CROCC2: variants seen among roughly 807,000 people sequenced by gnomAD.
CROCC2 encodes ciliary rootlet coiled-coil protein 2.
A neutral mutation model predicts 177.6 loss-of-function variants in CROCC2; 163 were observed. The ratio of observed to expected loss-of-function variants is 0.92; its 90% CI spans 0.81 to 1.05. The LOEUF is 1.05. Among genes scored for constraint, CROCC2 ranks in the 50% least tolerant of loss-of-function variants. CROCC2 has a pLI of 0.00. For missense variants in CROCC2, 1,929 were observed against 1,797.8 expected (o/e 1.07, Z -1.32); for synonymous variants, 904 against 787.3 (o/e 1.15, Z -2.48).
chr2:240,967,536 CTG>C, intron 26 of CROCC2, 71 bp downstream of exon 26: 2 of 1,534,278 alleles, frequency 1.3e-6, no homozygotes, highest in Non-Finnish European at 1.8e-6. Flanking sequence ...GTCCCCACTG[CTG>C]CCGGCTATAA....
At position 240,948,256 on chromosome 2, in the gene CROCC2, C is replaced by T. The variant is rs371846911; in HGVS notation, c.2364-723C>T. Reference sequence around the variant, plus strand: ...CCTGAGCCCAGAGGACTTCCCTCTGCGAGCCCTGGCGAGCCCCAGAAGGCT... The same window carrying T: ...CCTGAGCCCAGAGGACTTCCCTCTGTGAGCCCTGGCGAGCCCCAGAAGGCT... On this transcript the variant is annotated intron_variant, in intron 15 of 31. Coordinates refer to ENST00000690015, the MANE Select transcript of CROCC2 (RefSeq NM_001351305.2). Among the ~76,000 whole-genome samples, 22 of 152,150 alleles carry T rather than the reference C, an allele frequency of 1.4e-4. No homozygotes were observed. The East Asian group carries it at 3.7e-3, about 26-fold the overall frequency.
At chr2:240,933,521 C>G (rs1051129753) in intron 10 of CROCC2, 149 bp from the exon 11 acceptor site, 5 of 1,115,174 alleles carry the variant, frequency 4.5e-6, no homozygotes, top group Admixed American at 2.7e-5. Context: ...GGGACACACC[C>G]GCCAGTGAGA....
At position 240,946,251 on chromosome 2, in the gene CROCC2, C is replaced by T. The variant is rs1429790256; in HGVS notation, c.2361C>T (p.Leu787=). ...GRLAAEEAAD[L]RVERDSLESS... ...TCGCAGCTGAAGAGGCAGCTGATCTCAGGTATGCAAGGGCCTGCCAGTCAG... is the reference window on the plus strand; with the variant it reads ...TCGCAGCTGAAGAGGCAGCTGATCTTAGGTATGCAAGGGCCTGCCAGTCAG... Residue 787 remains leucine (L), a splice_region_variant and synonymous_variant, in exon 15 of 32, where the codon CTC becomes CTT. Transcript: ENST00000690015. 2.0e-6 allele frequency: 3 copies of T among 1,526,934 alleles called. No individual in the cohort carries two copies. The highest frequency in any genetic ancestry group is 5.0e-5 in the East Asian group (2 of 40,256). The allele number at this position is 1,526,934 out of a possible 1,614,324, so 94.6% of individuals were successfully genotyped here.
Position 240,931,043 on chromosome 2 carries a change from C to G in CROCC2, c.862C>G (p.Leu288Val), listed in dbSNP as rs539426516. Residue 288 changes from leucine (L) to valine (V), a missense_variant, in exon 7 of 32, where the codon CTG becomes GTG. By Grantham distance (32) the Leu-to-Val change is conservative. Transcript: ENST00000690015. ...GTCGGCCAGCAGCACGGCCAGCACC[C>G]TGGGGCAGCAGCTTCGGGACAAGGC... ...RLSASSTASTLGQQLRDKAGE... is the reference protein window; with the variant it reads ...RLSASSTASTVGQQLRDKAGE... The G allele has an allele frequency of 1.4e-6, 1 of 716,768 alleles. No individual in the cohort carries two copies. The highest frequency in any genetic ancestry group is 2.7e-5 in the East Asian group (1 of 37,286). 44.4% of individuals were successfully genotyped at this position (716,768 alleles called of 1,614,324 possible). A position where few individuals can be genotyped will look rare whatever the true frequency, so the allele number is the denominator to read the frequency against.
At chr2:240,939,874 T>A (rs2059487095) in intron 14 of CROCC2, among the ~76,000 whole-genome samples, 1 of 152,188 alleles carries the variant, frequency 6.6e-6, no homozygotes, top group Admixed American at 6.5e-5. Context: ...TGTTATCAAT[T>A]TCTAACATAA....
At chr2:240,941,047 C>T (rs1208964422) in intron 14 of CROCC2, among the ~76,000 whole-genome samples, 1 of 152,054 alleles carries the variant, frequency 6.6e-6, no homozygotes, top group African/African-American at 2.4e-5. Context: ...CCAACAGGGA[C>T]TAAGCTGAGA....
Position 240,982,233 on chromosome 2 carries a change from G to A in CROCC2, c.4402-647G>A, listed in dbSNP as rs996707498. ...CAGCCATCATGGGGTAGCACCTGGG[G>A]ACAGTGAGGAAACTGAAGGGCTGTC... is the stretch of plus-strand genomic sequence containing the variant. On this transcript the variant is annotated intron_variant, in intron 27 of 31. Coordinates refer to ENST00000690015, the MANE Select transcript of CROCC2 (RefSeq NM_001351305.2). This position sits in a 1 kb window ranked among gnomAD's most constrained non-coding sequence, Gnocchi z 4.7. The A allele has an allele frequency of 6.3e-5, 9 of 143,500 alleles. No individual in the cohort carries two copies. The highest frequency in any genetic ancestry group is 2.4e-4 in the African/African-American group (9 of 38,040). 8.9% of individuals were successfully genotyped at this position (143,500 alleles called of 1,614,324 possible). A position where few individuals can be genotyped will look rare whatever the true frequency, so the allele number is the denominator to read the frequency against.
Position 240,983,164 on chromosome 2 carries a change from G to C in CROCC2, c.4551+135G>C, listed in dbSNP as rs74969891. The C allele has an allele frequency of 3.9e-4, 390 of 1,002,554 alleles. 1 individual carries two copies. The African/African-American group carries it at 6.0e-3, about 15-fold the overall frequency. The allele number at this position is 1,002,554 out of a possible 1,614,324, so 62.1% of individuals were successfully genotyped here. Reference sequence around the variant, plus strand: ...AGGCCTAGAGAGATGCTGGAGGCAGGTGAGCAGGCCTGCAGAGACCCAGGC... The same window carrying C: ...AGGCCTAGAGAGATGCTGGAGGCAGCTGAGCAGGCCTGCAGAGACCCAGGC... On this transcript the variant is annotated intron_variant, in intron 28 of 31. Transcript: ENST00000690015.
chr2:240,915,180 A>T (rs934561917), intron 1 of CROCC2, among the ~76,000 whole-genome samples: 1 of 151,438 alleles, frequency 6.6e-6, no homozygotes. Context: ...CCGGCCCCCC[A>T]TTCCAGGGTC....
In CROCC2 at chr2:240,933,788, C is replaced by T. The variant is rs1239037574; in HGVS notation, c.1582C>T (p.Gln528Ter). 1.3e-6 allele frequency: 2 copies of T among 1,549,110 alleles called. No individual in the cohort carries two copies. Among genetic ancestry groups the T allele is most frequent in the South Asian group, 1.2e-5 (1 of 84,000 alleles). Residue 528 changes from glutamine (Q) to a stop codon, truncating the protein, a stop_gained, in exon 11 of 32, where the codon CAG (glutamine) becomes TAG (stop). Transcript: ENST00000690015. LOFTEE classifies it high-confidence loss of function. ...AGAGCTGCAGAGAAGCCTCCTGCTG[C>T]AGGCAGAGCGGAGGGAGGAGCTGGC... ...AAELQRSLLLQAERREELALR... is the reference protein window; with the variant it reads ...AAELQRSLLL
At chr2:240,935,282 A>T in intron 13 of CROCC2, 76 bp from the exon 14 acceptor site, 2 of 1,279,446 alleles carry the variant, frequency 1.6e-6, no homozygotes, top group East Asian at 6.1e-5. Context: ...GCCCCGGGGC[A>T]GGCCTTGGGG....
In CROCC2 at chr2:240,946,568, T is replaced by A. The variant is rs535203835; in HGVS notation, c.2363+315T>A. On this transcript the variant is annotated intron_variant, in intron 15 of 31. Coordinates refer to ENST00000690015, the MANE Select transcript of CROCC2 (RefSeq NM_001351305.2). Reference sequence around the variant, plus strand: ...ATGGAGCTGAGGAGTTCAGGGTGAATCCAACTTCAGGTATGGCTGGATTCA... The same window carrying A: ...ATGGAGCTGAGGAGTTCAGGGTGAAACCAACTTCAGGTATGGCTGGATTCA... Among the ~76,000 whole-genome samples the A allele has an allele frequency of 4.6e-5, 7 of 152,232 alleles. No homozygotes were observed. In the East Asian group the frequency reaches 1.2e-3, roughly 25 times the overall value.
At chr2:240,959,521 A>C in intron 20 of CROCC2, 77 bp downstream of exon 20, 1 of 1,483,856 alleles carries the variant, frequency 6.7e-7, no homozygotes, top group Non-Finnish European at 9.0e-7. Context: ...GAGAGGAGAG[A>C]GTGGGGGTGC....
chr2:240,930,341 A>G (rs1374741374), intron 6 of CROCC2, 72 bp downstream of exon 6: 5 of 459,050 alleles, frequency 1.1e-5, no homozygotes, highest in Non-Finnish European at 2.0e-5. Flanking sequence ...GGGGAGGGGG[A>G]AATCGGTGCC....
chr2:240,969,525 T>C (rs923220070), intron 27 of CROCC2, among the ~76,000 whole-genome samples: 5 of 152,148 alleles, frequency 3.3e-5, no homozygotes, highest in Non-Finnish European at 7.4e-5. Flanking sequence ...GAGACGTCTG[T>C]GGAAAGACCC....
In CROCC2 at chr2:240,958,293, C is replaced by T. The variant is rs548298405; in HGVS notation, c.2944-1008C>T. ...AGCCAGGCCTCAGGGGCACCCATCA[C>T]TGGCAGTGTTGGGGCATGCTGAGGC... On this transcript the variant is annotated intron_variant, in intron 19 of 31. Coordinates refer to ENST00000690015, the MANE Select transcript of CROCC2 (RefSeq NM_001351305.2). This position sits in a 1 kb window ranked among gnomAD's most constrained non-coding sequence, Gnocchi z 6.7. The T allele has an allele frequency of 1.0e-5, 7 of 702,906 alleles. No individual in the cohort carries two copies. The highest frequency in any genetic ancestry group is 1.2e-5 in the Non-Finnish European group (7 of 571,728). The allele number at this position is 702,906 out of a possible 1,614,324, so 43.5% of individuals were successfully genotyped here.
chr2:240,942,145 C>T (rs993012420), intron 14 of CROCC2, among the ~76,000 whole-genome samples: 11 of 152,220 alleles, frequency 7.2e-5, no homozygotes, highest in African/African-American at 2.7e-4. Context: ...GTCTCAGGTA[C>T]TTTGTTATAG....
chr2:240,967,609 AGGCCTG>A, intron 26 of CROCC2, 144 bp downstream of exon 26: 1 of 1,473,044 alleles, frequency 6.8e-7, no homozygotes, highest in Admixed American at 2.2e-5. Flanking sequence ...CCAAACCACC[AGGCCTG>A]GCGAGGCTGG....
chr2:240,938,767 GT>G lies in CROCC2; in HGVS notation c.2169+3183del, dbSNP rs1454935880. The stretch of plus-strand genomic sequence containing the variant: ...CCATGTTTGTAGTTTTCAATGTAGA[GT>G]TTTCTTCCACATCTTTGATTAGGTT... On this transcript the variant is annotated intron_variant, in intron 14 of 31. Coordinates refer to ENST00000690015, the MANE Select transcript of CROCC2 (RefSeq NM_001351305.2). 6.6e-5 allele frequency among the ~76,000 whole-genome samples: 10 copies of G among 152,132 alleles called. No homozygotes were observed. In the South Asian group the frequency reaches 1.0e-3, roughly 16 times the overall value.
Sources: allele counts gnomAD v4.1 joint callset (sites outside exome capture counted in the v4.1 genomes callset), GRCh38; gene constraint gnomAD v4.1.1; non-coding constraint Gnocchi (gnomAD v3.1); transcripts MANE v1.5; gene names NCBI Gene and HGNC (gene_info 2026-07-23, HGNC 2026-07-21).